The following VPS13A variants were observed in gnomAD, a reference collection of about 807,000 sequenced individuals.
VPS13A encodes vacuolar protein sorting 13 homolog A.
VPS13A carries 264 observed loss-of-function variants against 390.9 expected under a neutral mutation model. That is an observed-to-expected ratio of 0.68 (90% CI 0.61 to 0.75). The LOEUF (loss-of-function observed/expected upper bound fraction) is 0.75, where lower values mean the gene tolerates loss of function less well. Ranked by LOEUF, VPS13A falls within the 30% of genes least tolerant of loss-of-function variation. The pLI is 0.00. For missense variants in VPS13A, 3,409 were observed against 3,733.9 expected (o/e 0.91, Z 2.27); for synonymous variants, 1,231 against 1,227.1 (o/e 1.00, Z -0.07).
At chr9:77,265,036 C>T (rs568058623) in intron 23 of VPS13A, among the ~76,000 whole-genome samples, 33 of 152,186 alleles carry the variant, frequency 2.2e-4, no homozygotes, top group Non-Finnish European at 4.4e-4. Flanking sequence ...AGGCCTTTTC[C>T]GCATCTATTG....
At chr9:77,306,412 GTT>G (rs1491234744) in intron 34 of VPS13A, among the ~76,000 whole-genome samples, 73 of 132,832 alleles carry the variant, frequency 5.5e-4, no homozygotes, top group African/African-American at 2.1e-3. Flanking sequence ...GTGTGTGTGT[GTT>G]TGTGTGTGTG....
intron 67 of VPS13A, among the ~76,000 whole-genome samples, chr9:77,374,833 C>A (rs189182228): frequency 1.3e-5 from 2 of 152,174 alleles, no homozygotes; most frequent in South Asian, 2.1e-4. Context: ...GTTAATTAGA[C>A]CCATCTTAGA....
chr9:77,371,263 A>T, intron 67 of VPS13A, 114 bp downstream of exon 67: 2 of 1,420,228 alleles, frequency 1.4e-6, no homozygotes, highest in Non-Finnish European at 1.9e-6. Context: ...GTGCTGCTAT[A>T]ACATACCACA....
chr9:77,321,428 C>T lies in VPS13A; in HGVS notation c.5575-63C>T, dbSNP rs1053132775. On this transcript the variant is annotated intron_variant, in intron 43 of 71. Coordinates refer to ENST00000360280, the MANE Select transcript of VPS13A (RefSeq NM_033305.3). The stretch of plus-strand genomic sequence containing the variant: ...TAACTTAGTTGTCATTTGTCCTTTA[C>T]TGTTCTCCTTGTCATTTAATTTTAC... The T allele has an allele frequency of 1.9e-6, 3 of 1,596,912 alleles. No individual in the cohort carries two copies. In the African/African-American group the frequency reaches 4.0e-5, roughly 21 times the overall value.
rs751595913 is a variant in VPS13A at position 77,297,579 on chromosome 9, T to TG, written c.3812+1740dup. On this transcript the variant is annotated intron_variant, in intron 33 of 71. Coordinates refer to ENST00000360280, the MANE Select transcript of VPS13A (RefSeq NM_033305.3). ...AAGTCAATTTTGTCTGTCTTTTTTT[T>TG]GGGGGGGCAGGGTTGTTTCAAGCAG... Among the ~76,000 whole-genome samples the TG allele has an allele frequency of 1.6e-4, 24 of 151,732 alleles. No individual in the cohort carries two copies. The South Asian group carries it at 2.9e-3, about 18-fold the overall frequency.
At chr9:77,356,577 A>C in intron 54 of VPS13A, 137 bp from the exon 55 acceptor site, 1 of 976,312 alleles carries the variant, frequency 1.0e-6, no homozygotes, top group Non-Finnish European at 1.5e-6. Context: ...CATGTTTTTA[A>C]ATTTGTAATA....
At chr9:77,233,247 A>G (rs189790430) in intron 17 of VPS13A, among the ~76,000 whole-genome samples, 12 of 152,054 alleles carry the variant, frequency 7.9e-5, no homozygotes, top group African/African-American at 2.7e-4. Flanking sequence ...GGTGTGTCAT[A>G]ATGCCTCCAC....
At chr9:77,340,014 A>AT (rs1830729909) in intron 48 of VPS13A, 103 bp downstream of exon 48, 1 of 1,464,678 alleles carries the variant, frequency 6.8e-7, no homozygotes, top group Non-Finnish European at 9.3e-7. Context: ...GATAGAAATA[A>AT]CTTGTTAAAT....
chr9:77,244,177 G>T (rs1824672525), intron 19 of VPS13A, among the ~76,000 whole-genome samples: 1 of 152,158 alleles, frequency 6.6e-6, no homozygotes, highest in South Asian at 2.1e-4. Flanking sequence ...GGTCAGGGCT[G>T]CAGTGAGCTA....
chr9:77,410,896 A>C (rs1045273019), intron 71 of VPS13A, among the ~76,000 whole-genome samples: 11 of 152,228 alleles, frequency 7.2e-5, no homozygotes, highest in Non-Finnish European at 1.3e-4. Flanking sequence ...CAAAGTTAAC[A>C]AGGATATCCA....
At chr9:77,207,469 T>A (rs1825748914) in intron 5 of VPS13A, among the ~76,000 whole-genome samples, 1 of 150,872 alleles carries the variant, frequency 6.6e-6, no homozygotes, top group Non-Finnish European at 1.5e-5. Flanking sequence ...CTCTATATAG[T>A]TCTGTCACAT....
intron 22 of VPS13A, among the ~76,000 whole-genome samples, chr9:77,259,407 A>G (rs1266768377): frequency 6.6e-6 from 1 of 152,234 alleles, no homozygotes; most frequent in Non-Finnish European, 1.5e-5. Context: ...GAAATAAAAG[A>G]AAGCTTGTAA....
At position 77,375,307 on chromosome 9, in the gene VPS13A, A is replaced by C. The variant is rs557674039; in HGVS notation, c.9077+4158A>C. ...TGTGAAAAAAGACACTGAAAGTAAA[A>C]GGAGGAATGGGTTACAAGATTCAAA... On this transcript the variant is annotated intron_variant, in intron 67 of 71. Transcript: ENST00000360280. Among the ~76,000 whole-genome samples the C allele has an allele frequency of 4.6e-5, 7 of 152,314 alleles. No homozygotes were observed. The South Asian group carries it at 1.4e-3, about 32-fold the overall frequency.
intron 46 of VPS13A, among the ~76,000 whole-genome samples, chr9:77,335,484 C>A (rs1830489994): frequency 6.6e-6 from 1 of 151,914 alleles, no homozygotes; most frequent in African/African-American, 2.4e-5. Flanking sequence ...TATCCAGAAT[C>A]TACAAAGAAC....
intron 70 of VPS13A, among the ~76,000 whole-genome samples, chr9:77,407,312 T>C (rs1017930141): frequency 1.8e-4 from 27 of 152,234 alleles, no homozygotes; most frequent in Admixed American, 3.9e-4. Flanking sequence ...CTTAAGCTTT[T>C]TAACTTAGGT....
In VPS13A at chr9:77,314,109, G is replaced by A. The variant is rs375592018; in HGVS notation, c.4232G>A (p.Gly1411Asp). The change falls in exon 36 of 72, where the codon GGT (glycine) becomes GAT (aspartate). Residue 1411 changes from glycine (G) to aspartate (D), a missense_variant. Transcript: ENST00000360280. ...DDLTMVLYSP[G>D]PKQASFTDVR... ...CTCACCATGGTGCTGTATAGTCCAG[G>A]TCCTAAACAGGTAAGTCCAGGAAGA... 1.2e-6 allele frequency: 2 copies of A among 1,612,882 alleles called. No individual in the cohort carries two copies. Among genetic ancestry groups the A allele is most frequent in the Non-Finnish European group, 1.7e-6 (2 of 1,179,420 alleles).
intron 67 of VPS13A, among the ~76,000 whole-genome samples, chr9:77,373,288 A>G (rs1164085633): frequency 6.7e-6 from 1 of 148,804 alleles, no homozygotes; most frequent in Non-Finnish European, 1.5e-5. Flanking sequence ...CAAAACAGAG[A>G]TATACATCAA....
At chr9:77,231,076 A>G (rs1303960234) in intron 17 of VPS13A, among the ~76,000 whole-genome samples, 4 of 152,268 alleles carry the variant, frequency 2.6e-5, no homozygotes, top group South Asian at 2.1e-4. Flanking sequence ...TGTATACTGC[A>G]CTTGTACCCT....
chr9:77,414,595 G>T (rs573629292), intron 71 of VPS13A, among the ~76,000 whole-genome samples: 34 of 152,060 alleles, frequency 2.2e-4, no homozygotes, highest in African/African-American at 6.3e-4. Context: ...GTTATGGGAT[G>T]GGGGGAGGGA....
Sources: allele counts gnomAD v4.1 joint callset (sites outside exome capture counted in the v4.1 genomes callset), GRCh38; gene constraint gnomAD v4.1.1; transcripts MANE v1.5; gene names NCBI Gene and HGNC (gene_info 2026-07-23, HGNC 2026-07-21).